The following CSRNP3 variants were observed in gnomAD, a reference collection of about 807,000 sequenced individuals.
CSRNP3 encodes cysteine and serine rich nuclear protein 3, also known as cysteine/serine-rich nuclear protein 3.
A neutral mutation model predicts 48.0 loss-of-function variants in CSRNP3; 12 were observed. That is an observed-to-expected ratio of 0.25 (90% confidence interval 0.16 to 0.41). CSRNP3 has a LOEUF of 0.41. Among genes scored for constraint, CSRNP3 ranks in the 10% least tolerant of loss-of-function variants. The pLI, the probability that CSRNP3 is intolerant of heterozygous loss-of-function variation, is 1.00. For synonymous variants in CSRNP3, 263 were observed against 269.7 expected (o/e 0.98, Z 0.24); for missense variants, 580 against 724.4 (o/e 0.80, Z 2.29).
At chr2:165,503,241 C>T (rs1349778583) in intron 2 of CSRNP3, among the ~76,000 whole-genome samples, 1 of 151,732 alleles carries the variant, frequency 6.6e-6, no homozygotes, top group African/African-American at 2.4e-5. Flanking sequence ...AATCTTTAGT[C>T]CATTTGAAAA....
chr2:165,534,785 A>G (rs900171342), intron 3 of CSRNP3, among the ~76,000 whole-genome samples: 45 of 151,804 alleles, frequency 3.0e-4, no homozygotes, highest in African/African-American at 1.1e-3. Flanking sequence ...ATCCCATAAT[A>G]TTAAAATAAT....
chr2:165,572,338 C>T (rs559535882), intron 3 of CSRNP3: 26 of 152,162 alleles, frequency 1.7e-4, no homozygotes, highest in African/African-American at 6.0e-4. Context: ...ATATAGGCAG[C>T]CTCAGTGAGG....
At chr2:165,632,419 G>T (rs1251664789) in intron 4 of CSRNP3, among the ~76,000 whole-genome samples, 3 of 152,110 alleles carry the variant, frequency 2.0e-5, no homozygotes, top group Non-Finnish European at 2.9e-5. Flanking sequence ...TGAGATGGGA[G>T]AATTGCTTGA....
chr2:165,604,720 G>C (rs1467830120), intron 4 of CSRNP3, among the ~76,000 whole-genome samples: 1 of 152,174 alleles, frequency 6.6e-6, no homozygotes, highest in Non-Finnish European at 1.5e-5. Context: ...ACACTTGAGG[G>C]AGTCTGAGTT....
chr2:165,613,661 T>TC (rs1686177968), intron 4 of CSRNP3, among the ~76,000 whole-genome samples: 1 of 152,184 alleles, frequency 6.6e-6, no homozygotes, highest in Non-Finnish European at 1.5e-5. Flanking sequence ...GACTTATCCT[T>TC]CCCCCATTGT....
intron 3 of CSRNP3, among the ~76,000 whole-genome samples, chr2:165,544,131 A>G (rs576473807): frequency 1.4e-4 from 22 of 152,244 alleles, no homozygotes; most frequent in African/African-American, 5.3e-4. Flanking sequence ...GTGGAATCTG[A>G]GGTACAGAGT....
chr2:165,547,708 A>G (rs1465738214), intron 3 of CSRNP3, among the ~76,000 whole-genome samples: 1 of 152,102 alleles, frequency 6.6e-6, no homozygotes, highest in East Asian at 1.9e-4. Flanking sequence ...ATTTGTAGTT[A>G]TCTTCAAACT....
chr2:165,645,994 A>G (rs1440702848), intron 4 of CSRNP3, among the ~76,000 whole-genome samples: 1 of 151,866 alleles, frequency 6.6e-6, no homozygotes, highest in Non-Finnish European at 1.5e-5. Flanking sequence ...ATCCACCTGC[A>G]TTGGCCTCCC....
At chr2:165,627,703 C>G (rs2105323883) in intron 4 of CSRNP3, among the ~76,000 whole-genome samples, 1 of 152,248 alleles carries the variant, frequency 6.6e-6, no homozygotes, top group African/African-American at 2.4e-5. Flanking sequence ...ACACTTCTTC[C>G]TCTTGTCACA....
In CSRNP3 at chr2:165,687,192, T is replaced by A. The variant is rs539810991; in HGVS notation, c.*7439T>A. The A allele has an allele frequency of 1.3e-5, 2 of 152,248 alleles. No individual in the cohort carries two copies. Among genetic ancestry groups the A allele is most frequent in the South Asian group, 4.1e-4 (2 of 4,830 alleles). The allele number at this position is 152,248 out of a possible 1,614,324, so 9.4% of individuals were successfully genotyped here. On this transcript the variant is annotated 3_prime_UTR_variant, in exon 7 of 7. Transcript: ENST00000651982. ...CTACATTTGGTGATTATTACATTAA[T>A]ATATGATCATTCCATAAGTCTCCTA... is the stretch of plus-strand genomic sequence containing the variant.
At chr2:165,493,211 A>C (rs1436262091) in intron 1 of CSRNP3, among the ~76,000 whole-genome samples, 1 of 152,030 alleles carries the variant, frequency 6.6e-6, no homozygotes, top group Non-Finnish European at 1.5e-5. Context: ...CTTTATTAAA[A>C]AAAAAAAAGT....
chr2:165,678,017 C>T (rs1326780439), intron 6 of CSRNP3, among the ~76,000 whole-genome samples: 1 of 151,938 alleles, frequency 6.6e-6, no homozygotes, highest in Non-Finnish European at 1.5e-5. Flanking sequence ...CACATGAGTC[C>T]CCCAGTCATA....
intron 3 of CSRNP3, among the ~76,000 whole-genome samples, chr2:165,538,113 G>A (rs1684905187): frequency 1.3e-5 from 2 of 151,872 alleles, no homozygotes; most frequent in Admixed American, 1.3e-4. Flanking sequence ...GCAGTTCACT[G>A]GTGGCTACAA....
intron 4 of CSRNP3, among the ~76,000 whole-genome samples, chr2:165,617,482 T>G (rs2105315447): frequency 6.6e-6 from 1 of 152,286 alleles, no homozygotes; most frequent in South Asian, 2.1e-4. Context: ...TTGTGGAGGC[T>G]GTGGTGAGGC....
At chr2:165,648,636 C>T (rs1384209605) in intron 4 of CSRNP3, among the ~76,000 whole-genome samples, 2 of 151,832 alleles carry the variant, frequency 1.3e-5, no homozygotes, top group Admixed American at 6.6e-5. Flanking sequence ...AACAAAGTGC[C>T]GTTTTTTGTT....
chr2:165,556,529 T>A (rs1449096232), intron 3 of CSRNP3, among the ~76,000 whole-genome samples: 2 of 152,244 alleles, frequency 1.3e-5, no homozygotes, highest in East Asian at 3.9e-4. Flanking sequence ...TGGGAATGGT[T>A]GCAGGAGAGA....
At chr2:165,532,449 A>G (rs1453518179) in intron 3 of CSRNP3, among the ~76,000 whole-genome samples, 1 of 152,046 alleles carries the variant, frequency 6.6e-6, no homozygotes, top group Non-Finnish European at 1.5e-5. Flanking sequence ...ACAGAACCAA[A>G]GACAAAAACC....
intron 3 of CSRNP3, chr2:165,574,424 G>A: frequency 3.2e-6 from 5 of 1,547,250 alleles, no homozygotes; most frequent in Non-Finnish European, 4.4e-6. Context: ...GTTATATAGT[G>A]CACGCAGGTA....
intron 4 of CSRNP3, among the ~76,000 whole-genome samples, chr2:165,641,720 C>A (rs1686724076): frequency 6.6e-6 from 1 of 152,058 alleles, no homozygotes. Context: ...GCCAGAGGAA[C>A]TGGTTAGTAG....
Sources: gnomAD v4.1 joint callset for allele counts (sites outside exome capture counted in the v4.1 genomes callset) on GRCh38, gnomAD v4.1.1 for gene constraint, MANE v1.5 for transcripts, NCBI Gene and HGNC (gene_info 2026-07-23, HGNC 2026-07-21) for gene names.